Variants in AFAP1 observed in about 807,000 individuals in gnomAD.
AFAP1 encodes actin filament-associated protein 1.
In AFAP1, 75 loss-of-function variants were observed where a neutral mutation model predicts 93.9. The ratio of observed to expected loss-of-function variants is 0.80; its 90% CI spans 0.66 to 0.97. The LOEUF is 0.97. Ranked by LOEUF, AFAP1 falls within the 50% of genes least tolerant of loss-of-function variation. AFAP1 has a pLI of 0.00. For synonymous variants in AFAP1, 517 were observed against 430.7 expected (o/e 1.20, Z -2.48); for missense variants, 1,201 against 1,050.8 (o/e 1.14, Z -1.98).
Position 7,763,481 on chromosome 4 carries a change from T to G in AFAP1, c.*284A>C, listed in dbSNP as rs1028319659. 6.3e-5 allele frequency: 29 copies of G among 460,078 alleles called. No homozygotes were observed. The Admixed American group carries it at 1.1e-3, about 17-fold the overall frequency. The allele number at this position is 460,078 out of a possible 1,614,324, so 28.5% of individuals were successfully genotyped here. ...GCAATGGCCTATCTGGTTAGAAAGA[T>G]GTCACTTCGCCTGATAGCATCCTTT... On this transcript the variant is annotated 3_prime_UTR_variant, in exon 18 of 18. Coordinates refer to ENST00000420658, the MANE Select transcript of AFAP1 (RefSeq NM_001134647.2).
intron 1 of AFAP1, among the ~76,000 whole-genome samples, chr4:7,901,114 G>A (rs1267765960): frequency 6.6e-6 from 1 of 152,146 alleles, no homozygotes; most frequent in Non-Finnish European, 1.5e-5. Context: ...TGCAGTTTGG[G>A]ACCTACCCTA....
At chr4:7,780,269 A>C (rs7356232) in intron 13 of AFAP1, among the ~76,000 whole-genome samples, 23,477 of 152,268 alleles carry the variant, frequency 0.15, 1,829 homozygotes, top group Middle Eastern at 0.19. Context: ...TGGGATCTGA[A>C]CAACCGTCAT....
In AFAP1 at chr4:7,832,129, G is replaced by T. The variant is rs181409837; in HGVS notation, c.726+6395C>A. ...GATGGCAGAGAAGTCCCTTGTGAGT[G>T]TAAAGGGCTTTAGTGAAATTGGTAA... On this transcript the variant is annotated intron_variant, in intron 6 of 17. Coordinates refer to ENST00000420658, the MANE Select transcript of AFAP1 (RefSeq NM_001134647.2). 2.5e-3 allele frequency among the ~76,000 whole-genome samples: 387 copies of T among 152,302 alleles called. 3 individuals carry two copies. Among genetic ancestry groups the T allele is most frequent in the African/African-American group, 8.7e-3 (363 of 41,562 alleles).
chr4:7,770,101 G>C (rs980158589), intron 16 of AFAP1, among the ~76,000 whole-genome samples: 1 of 152,222 alleles, frequency 6.6e-6, no homozygotes, highest in African/African-American at 2.4e-5. Context: ...CGGGGACAGA[G>C]GATGGCACCA....
At chr4:7,935,709 A>G (rs1371126553) in intron 1 of AFAP1, among the ~76,000 whole-genome samples, 1 of 152,084 alleles carries the variant, frequency 6.6e-6, no homozygotes, top group Admixed American at 6.5e-5. Flanking sequence ...TCTCTAGGAT[A>G]CAATACCAAT....
At chr4:7,803,227 G>A (rs1719213641) in intron 9 of AFAP1, among the ~76,000 whole-genome samples, 1 of 152,220 alleles carries the variant, frequency 6.6e-6, no homozygotes, top group South Asian at 2.1e-4. Flanking sequence ...ATACTGAGGT[G>A]CATTAAGATA....
chr4:7,896,059 C>A (rs1718746854), intron 1 of AFAP1, among the ~76,000 whole-genome samples: 1 of 151,934 alleles, frequency 6.6e-6, no homozygotes, highest in Admixed American at 6.6e-5. Context: ...CTGGGTTTCT[C>A]CATGTTGGTC....
intron 3 of AFAP1, among the ~76,000 whole-genome samples, chr4:7,857,678 G>C (rs924638010): frequency 6.6e-6 from 1 of 152,230 alleles, no homozygotes; most frequent in African/African-American, 2.4e-5. Flanking sequence ...TTGGAAAACA[G>C]CTGCTTGATT....
chr4:7,868,817 T>G, intron 2 of AFAP1, 98 bp from the exon 3 acceptor site: 5 of 1,028,506 alleles, frequency 4.9e-6, no homozygotes, highest in Non-Finnish European at 5.8e-6. Context: ...TTGAACACTT[T>G]GCAAATATTT....
In AFAP1 at chr4:7,772,990, G is replaced by C; in HGVS notation, c.2083C>G (p.Leu695Val). The change falls in exon 16 of 18, where the codon CTG becomes GTG. Residue 695 changes from leucine to valine, a missense_variant. Physicochemically the swap from Leu to Val is conservative, Grantham distance 32 (BLOSUM62 1). Transcript: ENST00000420658. ...TCCAGCTGCTTCAGCTTCTCCTCCA[G>C]GATCGCCTGCGGCTTCCTGCCTGGA... The part of the protein sequence containing the change: ...VNAGRKPQAI[L>V]EEKLKQLEEE... The C allele has an allele frequency of 6.2e-7, 1 of 1,611,146 alleles. No individual in the cohort carries two copies. The highest frequency in any genetic ancestry group is 8.5e-7 in the Non-Finnish European group (1 of 1,179,950).
Position 7,846,856 on chromosome 4 carries a change from G to A in AFAP1, c.335-3506C>T, listed in dbSNP as rs150357254. 5.3e-4 allele frequency among the ~76,000 whole-genome samples: 80 copies of A among 152,240 alleles called. 1 individual carries two copies. Among genetic ancestry groups the A allele is most frequent in the Middle Eastern group, 3.4e-3 (1 of 294 alleles). On this transcript the variant is annotated intron_variant, in intron 4 of 17. Coordinates refer to ENST00000420658, the MANE Select transcript of AFAP1 (RefSeq NM_001134647.2). ...TCAGAGAAAAGGAAGAATGAGTCTC[G>A]AAGACTACGAGATTCATCCAGGAGC...
At chr4:7,818,145 A>G (rs1417391958) in intron 7 of AFAP1, among the ~76,000 whole-genome samples, 1 of 152,092 alleles carries the variant, frequency 6.6e-6, no homozygotes, top group Non-Finnish European at 1.5e-5. Context: ...TCCTCCAATC[A>G]TTTCAGGGCC....
chr4:7,872,741 G>T (rs1260207338), intron 1 of AFAP1, among the ~76,000 whole-genome samples: 1 of 152,082 alleles, frequency 6.6e-6, no homozygotes, highest in East Asian at 1.9e-4. Flanking sequence ...CCTCCTTTCA[G>T]GGAGCCCACA....
At chr4:7,847,629 G>C (rs1713871951) in intron 4 of AFAP1, among the ~76,000 whole-genome samples, 1 of 152,182 alleles carries the variant, frequency 6.6e-6, no homozygotes, top group African/African-American at 2.4e-5. Context: ...TGGAGGCCTG[G>C]GGTTTTGGAT....
intron 1 of AFAP1, among the ~76,000 whole-genome samples, chr4:7,916,980 A>G (rs933598388): frequency 2.6e-5 from 4 of 152,184 alleles, no homozygotes; most frequent in Non-Finnish European, 4.4e-5. Flanking sequence ...TCACCTGATT[A>G]TAACAACTGT....
chr4:7,877,831 A>T (rs1717601572), intron 1 of AFAP1, among the ~76,000 whole-genome samples: 1 of 152,198 alleles, frequency 6.6e-6, no homozygotes, highest in Admixed American at 6.5e-5. Flanking sequence ...ATGAACAAGA[A>T]ATGTCAACAT....
intron 1 of AFAP1, among the ~76,000 whole-genome samples, chr4:7,916,123 G>C (rs1720073732): frequency 6.6e-6 from 1 of 152,156 alleles, no homozygotes; most frequent in South Asian, 2.1e-4. Flanking sequence ...GGAGCACCTT[G>C]AAATGGGCAA....
intron 1 of AFAP1, among the ~76,000 whole-genome samples, chr4:7,898,235 C>T (rs559389058): frequency 6.6e-6 from 1 of 152,108 alleles, no homozygotes; most frequent in Non-Finnish European, 1.5e-5. Flanking sequence ...CATGGTGAAA[C>T]CCCTCTAATA....
chr4:7,925,930 T>C (rs1720708682), intron 1 of AFAP1, among the ~76,000 whole-genome samples: 1 of 152,222 alleles, frequency 6.6e-6, no homozygotes, highest in Non-Finnish European at 1.5e-5. Flanking sequence ...TCTTCATCTT[T>C]AATAAAATAA....
Sources: gnomAD v4.1 joint callset for allele counts (sites outside exome capture counted in the v4.1 genomes callset) on GRCh38, gnomAD v4.1.1 for gene constraint, MANE v1.5 for transcripts, NCBI Gene and HGNC (gene_info 2026-07-23, HGNC 2026-07-21) for gene names.